The following AGPAT1 variants were observed in gnomAD, a reference collection of about 807,000 sequenced individuals.
AGPAT1 encodes 1-acyl-sn-glycerol-3-phosphate acyltransferase alpha.
A neutral mutation model predicts 31.2 loss-of-function variants in AGPAT1; 6 were observed. The observed-to-expected ratio is 0.19, with a 90% confidence interval of 0.11 to 0.38. The LOEUF (loss-of-function observed/expected upper bound fraction) is 0.38. AGPAT1 is among the 10% of genes least tolerant of loss of function. The pLI is 1.00. For missense variants in AGPAT1, 187 were observed against 377.8 expected (o/e 0.49, Z 4.19); for synonymous variants, 139 against 154.0 (o/e 0.90, Z 0.72).
In AGPAT1 at chr6:32,174,370, C is replaced by T. The variant is rs545541562; in HGVS notation, c.-10+1444G>A. The stretch of plus-strand genomic sequence containing the variant: ...CGAACACACCAAGCCTAATGGTAAC[C>T]GACTCTGAATAGATACATGCAATAC... On this transcript the variant is annotated intron_variant, in intron 1 of 6. Coordinates refer to ENST00000375107, the MANE Select transcript of AGPAT1 (RefSeq NM_006411.4). This position sits in a 1 kb window ranked among gnomAD's most constrained non-coding sequence, Gnocchi z 4.5. Among the ~76,000 whole-genome samples, 3 of 152,218 alleles carry T rather than the reference C, an allele frequency of 2.0e-5. 1 individual carries two copies. The South Asian group carries it at 6.2e-4, about 32-fold the overall frequency.
In AGPAT1 at chr6:32,169,301, A is replaced by G; in HGVS notation, c.827T>C (p.Leu276Pro). 1 of 1,612,950 alleles carries G rather than the reference A, an allele frequency of 6.2e-7. No individual in the cohort carries two copies. The highest frequency in any genetic ancestry group is 8.5e-7 in the Non-Finnish European group (1 of 1,179,932). ...STDGRGGGDYLKKPGGGG is the reference protein window; with the variant it reads ...STDGRGGGDYPKKPGGGG The stretch of plus-strand genomic sequence containing the variant: ...TCACCCACCGCCCCCAGGCTTCTTC[A>G]GATAGTCACCACCACCCCGGCCATC... The change falls in exon 7 of 7, where the codon CTG becomes CCG. Residue 276 changes from leucine to proline, a missense_variant. Leu to Pro is a moderately conservative substitution (Grantham distance 98, BLOSUM62 -3). Coordinates refer to ENST00000375107, the MANE Select transcript of AGPAT1 (RefSeq NM_006411.4). This position sits in a 1 kb window ranked among gnomAD's most constrained non-coding sequence, Gnocchi z 5.9.
Position 32,173,557 on chromosome 6 carries a change from T to C in AGPAT1, c.-9-2052A>G, listed in dbSNP as rs1302714356. Among the ~76,000 whole-genome samples the C allele has an allele frequency of 6.6e-6, 1 of 152,244 alleles. No homozygotes were observed. The highest frequency in any genetic ancestry group is 1.5e-5 in the Non-Finnish European group (1 of 68,038). ...GCATTTCCCTGTCTTGCCTAAAGGC[T>C]CTTCTTGATAAGTTGACTTCTGCTT... is the stretch of plus-strand genomic sequence containing the variant. On this transcript the variant is annotated intron_variant, in intron 1 of 6. Transcript: ENST00000375107. This position sits in a 1 kb window ranked among gnomAD's most constrained non-coding sequence, Gnocchi z 4.7.
At position 32,171,161 on chromosome 6, in the gene AGPAT1, C is replaced by G; in HGVS notation, c.201-91G>C. On this transcript the variant is annotated intron_variant, in intron 2 of 6. Coordinates refer to ENST00000375107, the MANE Select transcript of AGPAT1 (RefSeq NM_006411.4). The surrounding 1 kb of genome is among the most constrained non-coding windows in gnomAD (Gnocchi z 6.9). ...CCCACCTTACTGTCTTTCTGACCAC[C>G]TTTGCAGTCCTCTCCCCATTCCCTG... is the stretch of plus-strand genomic sequence containing the variant. 6.3e-7 allele frequency: 1 copy of G among 1,587,640 alleles called. No homozygotes were observed. Among genetic ancestry groups the G allele is most frequent in the Non-Finnish European group, 8.6e-7 (1 of 1,164,478 alleles).
rs1785394214 is a variant in AGPAT1 at position 32,174,863 on chromosome 6, C to T, written c.-10+951G>A. Among the ~76,000 whole-genome samples the T allele has an allele frequency of 6.6e-6, 1 of 152,220 alleles. No homozygotes were observed. The highest frequency in any genetic ancestry group is 1.5e-5 in the Non-Finnish European group (1 of 68,040). On this transcript the variant is annotated intron_variant, in intron 1 of 6. Coordinates refer to ENST00000375107, the MANE Select transcript of AGPAT1 (RefSeq NM_006411.4). This position sits in a 1 kb window ranked among gnomAD's most constrained non-coding sequence, Gnocchi z 4.5. ...TGATGACAAATTTATAACACACATTCTATGGTCCTGTTACATCAGTGTATC... is the reference window on the plus strand; with the variant it reads ...TGATGACAAATTTATAACACACATTTTATGGTCCTGTTACATCAGTGTATC...
At position 32,169,843 on chromosome 6, in the gene AGPAT1, G is replaced by A; in HGVS notation, c.679+123C>T. On this transcript the variant is annotated intron_variant, in intron 6 of 6. Transcript: ENST00000375107. This position sits in a 1 kb window ranked among gnomAD's most constrained non-coding sequence, Gnocchi z 5.9. ...GTAAAGACTTATTGGCTGATGTGGG[G>A]TTAGACTAGATGACTGTGTAGACAT... 1 of 897,632 alleles carries A rather than the reference G, an allele frequency of 1.1e-6. No individual in the cohort carries two copies. Among genetic ancestry groups the A allele is most frequent in the South Asian group, 1.6e-5 (1 of 63,956 alleles). 55.6% of individuals were successfully genotyped at this position (897,632 alleles called of 1,614,324 possible).
chr6:32,172,392 T>A lies in AGPAT1; in HGVS notation c.-9-887A>T, dbSNP rs1785180359. Among the ~76,000 whole-genome samples the A allele has an allele frequency of 6.6e-6, 1 of 152,196 alleles. No homozygotes were observed. The highest frequency in any genetic ancestry group is 1.5e-5 in the Non-Finnish European group (1 of 68,036). On this transcript the variant is annotated intron_variant, in intron 1 of 6. Transcript: ENST00000375107. This position sits in a 1 kb window ranked among gnomAD's most constrained non-coding sequence, Gnocchi z 4.3. Reference sequence around the variant, plus strand: ...TATTACTAAAATTAATTTCACTCTTTTTGCCTTGTAAAAATGTGGCTACCA... The same window carrying A: ...TATTACTAAAATTAATTTCACTCTTATTGCCTTGTAAAAATGTGGCTACCA...
chr6:32,172,101 CAGG>C lies in AGPAT1; in HGVS notation c.-9-599_-9-597del, dbSNP rs1254286166. The C allele has an allele frequency of 6.4e-6, 1 of 156,768 alleles. No homozygotes were observed. Among genetic ancestry groups the C allele is most frequent in the Non-Finnish European group, 1.4e-5 (1 of 70,756 alleles). 9.7% of individuals were successfully genotyped at this position (156,768 alleles called of 1,614,324 possible). On this transcript the variant is annotated intron_variant, in intron 1 of 6. Transcript: ENST00000375107. This position sits in a 1 kb window ranked among gnomAD's most constrained non-coding sequence, Gnocchi z 4.3. ...AGCCGAGGTGGGCAGATCACGAGGT[CAGG>C]AGTTCAGGACCAGCCTGACCAACAT...
At position 32,171,488 on chromosome 6, in the gene AGPAT1, C is replaced by T. The variant is rs1561848171; in HGVS notation, c.9G>A (p.Leu3=). The T allele has an allele frequency of 1.3e-6, 2 of 1,591,060 alleles. No homozygotes were observed. Among genetic ancestry groups the T allele is most frequent in the Non-Finnish European group, 1.7e-6 (2 of 1,170,176 alleles). The change falls in exon 2 of 7, where the codon TTG becomes TTA. Residue 3 remains leucine (L), a synonymous_variant. Transcript: ENST00000375107. This position sits in a 1 kb window ranked among gnomAD's most constrained non-coding sequence, Gnocchi z 6.9. ...GCAGCAGCATCCATGCCCCTGGCCA[C>T]AAATCCATTCTGGCCACCTGCAGGG... is the stretch of plus-strand genomic sequence containing the variant. The part of the protein sequence containing the change: MD[L]WPGAWMLLLL...
chr6:32,169,880 G>T lies in AGPAT1; in HGVS notation c.679+86C>A. ...GACTGTGTAGACATCTCATGGCTCT[G>T]ACACTGAATGATCCCCCTGCCTCAC... is the stretch of plus-strand genomic sequence containing the variant. On this transcript the variant is annotated intron_variant, in intron 6 of 6. Coordinates refer to ENST00000375107, the MANE Select transcript of AGPAT1 (RefSeq NM_006411.4). This position sits in a 1 kb window ranked among gnomAD's most constrained non-coding sequence, Gnocchi z 5.9. The T allele has an allele frequency of 1.6e-6, 2 of 1,240,198 alleles. No homozygotes were observed. The highest frequency in any genetic ancestry group is 2.3e-6 in the Non-Finnish European group (2 of 856,472). The allele number at this position is 1,240,198 out of a possible 1,614,324, so 76.8% of individuals were successfully genotyped here.
In AGPAT1 at chr6:32,170,357, A is replaced by AT; in HGVS notation, c.510+67dup. On this transcript the variant is annotated intron_variant, in intron 4 of 6. Coordinates refer to ENST00000375107, the MANE Select transcript of AGPAT1 (RefSeq NM_006411.4). This position sits in a 1 kb window ranked among gnomAD's most constrained non-coding sequence, Gnocchi z 7.7. Reference sequence around the variant, plus strand: ...GACCTTTGAGGCCCACTGGCCCTGCATATCAGTTTATTTACAACTGTTCTA... The same window carrying AT: ...GACCTTTGAGGCCCACTGGCCCTGCATTATCAGTTTATTTACAACTGTTCTA... 2 of 1,610,870 alleles carry AT rather than the reference A, an allele frequency of 1.2e-6. No homozygotes were observed. The highest frequency in any genetic ancestry group is 1.7e-6 in the Non-Finnish European group (2 of 1,177,198).
chr6:32,171,791 A>C lies in AGPAT1; in HGVS notation c.-9-286T>G. The C allele has an allele frequency of 1.8e-6, 1 of 562,482 alleles. No individual in the cohort carries two copies. 34.8% of individuals were successfully genotyped at this position (562,482 alleles called of 1,614,324 possible). ...ACAATTCACAGATACCTGATAATAA[A>C]TGACAACAAGAATAATAGCTAACAC... On this transcript the variant is annotated intron_variant, in intron 1 of 6. Transcript: ENST00000375107. This position sits in a 1 kb window ranked among gnomAD's most constrained non-coding sequence, Gnocchi z 6.9.
At position 32,169,834 on chromosome 6, in the gene AGPAT1, T is replaced by C; in HGVS notation, c.679+132A>G. On this transcript the variant is annotated intron_variant, in intron 6 of 6. Coordinates refer to ENST00000375107, the MANE Select transcript of AGPAT1 (RefSeq NM_006411.4). This position sits in a 1 kb window ranked among gnomAD's most constrained non-coding sequence, Gnocchi z 5.9. ...GGGTGCTTAGTAAAGACTTATTGGC[T>C]GATGTGGGGTTAGACTAGATGACTG... is the stretch of plus-strand genomic sequence containing the variant. 1 of 829,032 alleles carries C rather than the reference T, an allele frequency of 1.2e-6. No individual in the cohort carries two copies. The highest frequency in any genetic ancestry group is 2.6e-5 in the East Asian group (1 of 37,802). 51.4% of individuals were successfully genotyped at this position (829,032 alleles called of 1,614,324 possible).
chr6:32,175,993 T>C lies in AGPAT1; in HGVS notation c.-189A>G, dbSNP rs1785508174. On this transcript the variant is annotated 5_prime_UTR_variant, in exon 1 of 7. An upstream start codon of the reference 5' UTR is lost. Transcript: ENST00000375107. The surrounding 1 kb of genome is among the most constrained non-coding windows in gnomAD (Gnocchi z 4.5). The stretch of plus-strand genomic sequence containing the variant: ...AGGTGGGAGTGGGAGGTTGGGCCCA[T>C]AGCGGTAGGAATGGTGGGGGGCTGT... 2.0e-6 allele frequency: 2 copies of C among 985,256 alleles called. No individual in the cohort carries two copies. Among genetic ancestry groups the C allele is most frequent in the Non-Finnish European group, 2.4e-6 (2 of 829,952 alleles). 61.0% of individuals were successfully genotyped at this position (985,256 alleles called of 1,614,324 possible).
chr6:32,175,907 G>A lies in AGPAT1; in HGVS notation c.-103C>T. The A allele has an allele frequency of 1.0e-6, 1 of 986,178 alleles. No individual in the cohort carries two copies. The highest frequency in any genetic ancestry group is 1.2e-6 in the Non-Finnish European group (1 of 830,518). The allele number at this position is 986,178 out of a possible 1,614,324, so 61.1% of individuals were successfully genotyped here. A position where few individuals can be genotyped will look rare whatever the true frequency, so the allele number is the denominator to read the frequency against. Reference sequence around the variant, plus strand: ...ATGGCTGTGTCTCTGTCTCTGTCGGGGTGTCGGTGCCAAGGGGGCGACGGG... The same window carrying A: ...ATGGCTGTGTCTCTGTCTCTGTCGGAGTGTCGGTGCCAAGGGGGCGACGGG... On this transcript the variant is annotated 5_prime_UTR_variant, in exon 1 of 7. Transcript: ENST00000375107. This position sits in a 1 kb window ranked among gnomAD's most constrained non-coding sequence, Gnocchi z 4.5.
At position 32,174,262 on chromosome 6, in the gene AGPAT1, CAG is replaced by C. The variant is rs759694817; in HGVS notation, c.-10+1550_-10+1551del. ...CCACCCATAGAGCCACAGTTAATGA[CAG>C]AGATGGCGGTTCTGATCACAAATTA... On this transcript the variant is annotated intron_variant, in intron 1 of 6. Transcript: ENST00000375107. This position sits in a 1 kb window ranked among gnomAD's most constrained non-coding sequence, Gnocchi z 4.5. 1.3e-5 allele frequency among the ~76,000 whole-genome samples: 2 copies of C among 152,188 alleles called. No homozygotes were observed. Among genetic ancestry groups the C allele is most frequent in the African/African-American group, 2.4e-5 (1 of 41,432 alleles).
At chr6:32,177,858 G>T (rs1211237199), upstream of AGPAT1, 1 of 152,258 alleles carries the variant, frequency 6.6e-6, no homozygotes, top group Non-Finnish European at 1.5e-5. Flanking sequence ...GCGAGCCTAG[G>T]ACTTTGAAGT....
chr6:32,176,126 G>T (rs1303028379), upstream of AGPAT1: 1 of 985,638 alleles, frequency 1.0e-6, no homozygotes, highest in Non-Finnish European at 1.2e-6. Context: ...GGTTTCCGGG[G>T]CCGGCCAGGA....
chr6:32,169,279 C>T lies in AGPAT1; in HGVS notation c.849G>A (p.Gly283=). The change falls in exon 7 of 7, where the codon GGG becomes GGA. Residue 283 remains glycine, a synonymous_variant. Coordinates refer to ENST00000375107, the MANE Select transcript of AGPAT1 (RefSeq NM_006411.4). This position sits in a 1 kb window ranked among gnomAD's most constrained non-coding sequence, Gnocchi z 5.9. The stretch of plus-strand genomic sequence containing the variant: ...GAGGAGAGCTCAGAGCCAGGGTTCA[C>T]CCACCGCCCCCAGGCTTCTTCAGAT... ...GDYLKKPGGG[G] is the part of the protein sequence containing the mutation. The T allele has an allele frequency of 1.2e-6, 2 of 1,612,520 alleles. No homozygotes were observed. Among genetic ancestry groups the T allele is most frequent in the Non-Finnish European group, 1.7e-6 (2 of 1,179,712 alleles).
rs1294332608 is a variant in AGPAT1 at position 32,169,476 on chromosome 6, C to T, written c.680-28G>A. The T allele has an allele frequency of 2.5e-6, 4 of 1,609,332 alleles. No homozygotes were observed. The highest frequency in any genetic ancestry group is 2.2e-5 in the East Asian group (1 of 44,816). ...GGGGCAAGGGGAGCACCATCATGGC[C>T]TGTCCACCCAGGTCTTTGCCCACAG... is the stretch of plus-strand genomic sequence containing the variant. On this transcript the variant is annotated intron_variant, in intron 6 of 6. Coordinates refer to ENST00000375107, the MANE Select transcript of AGPAT1 (RefSeq NM_006411.4). This position sits in a 1 kb window ranked among gnomAD's most constrained non-coding sequence, Gnocchi z 5.9.
Sources: allele counts gnomAD v4.1 joint callset (sites outside exome capture counted in the v4.1 genomes callset), GRCh38; gene constraint gnomAD v4.1.1; non-coding constraint Gnocchi (gnomAD v3.1); transcripts MANE v1.5; gene names NCBI Gene and HGNC (gene_info 2026-07-23, HGNC 2026-07-21).